The following SHISA6 variants were observed in gnomAD, a reference collection of about 807,000 sequenced individuals.
The protein encoded by SHISA6 is shisa family member 6.
SHISA6 carries 22 observed loss-of-function variants against 47.9 expected under a neutral mutation model. That is an observed-to-expected ratio of 0.46 (90% CI 0.33 to 0.66). The LOEUF (loss-of-function observed/expected upper bound fraction) is 0.66. SHISA6 is among the 30% of genes least tolerant of loss of function. The pLI, the probability that SHISA6 is intolerant of heterozygous loss-of-function variation, is 0.02. For synonymous variants in SHISA6, 388 were observed against 337.8 expected, an observed-to-expected ratio of 1.15 and a Z score of -1.63; for missense variants, 680 against 764.6, an observed-to-expected ratio of 0.89 and a Z score of 1.30.
At chr17:11,454,210 A>C (rs967270120) in intron 3 of SHISA6, among the ~76,000 whole-genome samples, 2 of 152,110 alleles carry the variant, frequency 1.3e-5, no homozygotes, top group Admixed American at 6.5e-5. Flanking sequence ...GCACATCTTC[A>C]AGGTTCTACC....
intron 3 of SHISA6, among the ~76,000 whole-genome samples, chr17:11,507,379 G>A (rs987977417): frequency 2.0e-5 from 3 of 151,964 alleles, no homozygotes; most frequent in African/African-American, 2.4e-5. Context: ...CCCACCCTCC[G>A]CCCTACCTGC....
chr17:11,362,035 T>C (rs1207190587), intron 2 of SHISA6, among the ~76,000 whole-genome samples: 1 of 152,130 alleles, frequency 6.6e-6, no homozygotes, highest in East Asian at 1.9e-4. Context: ...AGGCCCAGGA[T>C]CAGGTGTTTT....
intron 3 of SHISA6, among the ~76,000 whole-genome samples, chr17:11,409,077 T>C (rs1256427182): frequency 6.6e-6 from 1 of 152,150 alleles, no homozygotes; most frequent in East Asian, 1.9e-4. Context: ...GCATAAAAAT[T>C]TATCCTCTCA....
At chr17:11,344,044 T>C (rs1911619472) in intron 2 of SHISA6, among the ~76,000 whole-genome samples, 1 of 152,192 alleles carries the variant, frequency 6.6e-6, no homozygotes, top group Admixed American at 6.5e-5. Flanking sequence ...TGGTGTCTTA[T>C]AGTGGTTTTG....
chr17:11,324,817 T>A (rs1910822226), intron 2 of SHISA6, among the ~76,000 whole-genome samples: 1 of 152,150 alleles, frequency 6.6e-6, no homozygotes, highest in Admixed American at 6.5e-5. Flanking sequence ...GTCTTCTTAG[T>A]GCACAATTAG....
intron 3 of SHISA6, among the ~76,000 whole-genome samples, chr17:11,398,619 ACT>A (rs554518237): frequency 6.6e-6 from 1 of 150,568 alleles, no homozygotes; most frequent in Non-Finnish European, 1.5e-5. Context: ...TTTTTGACAG[ACT>A]CTCGCTCTGT....
chr17:11,374,851 A>G (rs1466775963), intron 2 of SHISA6, among the ~76,000 whole-genome samples: 3 of 151,948 alleles, frequency 2.0e-5, no homozygotes, highest in Non-Finnish European at 4.4e-5. Context: ...TATAATTCAT[A>G]TTATATGTAA....
chr17:11,343,728 G>A (rs116960384), intron 2 of SHISA6, among the ~76,000 whole-genome samples: 230 of 152,354 alleles, frequency 1.5e-3, no homozygotes, highest in Non-Finnish European at 2.3e-3. Context: ...GCTGAGAGGT[G>A]AGTTGCTCTC....
chr17:11,241,362 G>T lies in SHISA6; in HGVS notation c.-61G>T, dbSNP rs1192471868. 7.1e-5 allele frequency: 71 copies of T among 1,000,188 alleles called. No individual in the cohort carries two copies. Among genetic ancestry groups the T allele is most frequent in the Non-Finnish European group, 8.2e-5 (69 of 839,412 alleles). 62.0% of individuals were successfully genotyped at this position (1,000,188 alleles called of 1,614,324 possible). A position where few individuals can be genotyped will look rare whatever the true frequency, so the allele number is the denominator to read the frequency against. On this transcript the variant is annotated 5_prime_UTR_variant, in exon 1 of 6. Transcript: ENST00000441885. This position sits in a 1 kb window ranked among gnomAD's most constrained non-coding sequence, Gnocchi z 5.5. Reference sequence around the variant, plus strand: ...CCCGCGCGGCGGGTCCTCCGAGCCCGGCCCGCCGGGGGAGCGGCCTGCCGC... The same window carrying T: ...CCCGCGCGGCGGGTCCTCCGAGCCCTGCCCGCCGGGGGAGCGGCCTGCCGC...
Position 11,533,596 on chromosome 17 carries a change from T to TA in SHISA6, c.896-18300_896-18299insA, listed in dbSNP as rs901231749. ...AAGCTTCCCTTTCATTATTTTTTTT[T>TA]TTTTTTTTTTTTTTGAGATGGAGTC... is the stretch of plus-strand genomic sequence containing the variant. On this transcript the variant is annotated intron_variant, in intron 3 of 5. Transcript: ENST00000441885. Among the ~76,000 whole-genome samples, 64 of 136,430 alleles carry TA rather than the reference T, an allele frequency of 4.7e-4. 1 individual carries two copies. The East Asian group carries it at 0.012, about 25-fold the overall frequency. 89.5% of individuals were successfully genotyped at this position (136,430 alleles called of 152,430 possible). A position where few individuals can be genotyped will look rare whatever the true frequency, so the allele number is the denominator to read the frequency against.
At chr17:11,399,669 G>C (rs1913698438) in intron 3 of SHISA6, among the ~76,000 whole-genome samples, 1 of 152,162 alleles carries the variant, frequency 6.6e-6, no homozygotes, top group Non-Finnish European at 1.5e-5. Flanking sequence ...TGATCTGCCT[G>C]TCTCGGCCTC....
rs1448670281 is a variant in SHISA6, at chr17:11,295,738, C to T, written c.799+32212C>T. ...CAGCACTTTGGGAGGCTGAGGCAGG[C>T]AGGTCATGAGGTCAGGAGATTAAGA... On this transcript the variant is annotated intron_variant, in intron 2 of 5. Coordinates refer to ENST00000441885, the MANE Select transcript of SHISA6 (RefSeq NM_207386.4). Among the ~76,000 whole-genome samples, 5 of 152,050 alleles carry T rather than the reference C, an allele frequency of 3.3e-5. No individual in the cohort carries two copies. The East Asian group carries it at 9.7e-4, about 30-fold the overall frequency.
In SHISA6 at chr17:11,241,989, C is replaced by T. The variant is rs1366428113; in HGVS notation, c.567C>T (p.Ile189=). 1.9e-6 allele frequency: 3 copies of T among 1,551,114 alleles called. No homozygotes were observed. Among genetic ancestry groups the T allele is most frequent in the Non-Finnish European group, 1.7e-6 (2 of 1,147,002 alleles). Reference sequence around the variant, plus strand: ...CCTGCGGGGTGATCGCCTTCGTCATCGTGGCCGGCGTCTTCGCCAAGGTCT... The same window carrying T: ...CCTGCGGGGTGATCGCCTTCGTCATTGTGGCCGGCGTCTTCGCCAAGGTCT... ...YITCGVIAFV[I]VAGVFAKVSY... The change falls in exon 1 of 6, where the codon ATC becomes ATT. Residue 189 remains isoleucine, a synonymous_variant. Transcript: ENST00000441885. The surrounding 1 kb of genome is among the most constrained non-coding windows in gnomAD (Gnocchi z 5.5).
chr17:11,299,598 G>T (rs970392098), intron 2 of SHISA6, among the ~76,000 whole-genome samples: 30 of 152,294 alleles, frequency 2.0e-4, no homozygotes, highest in African/African-American at 6.7e-4. Context: ...CTCTAGGGGA[G>T]AATCGATTTC....
In SHISA6 at chr17:11,509,281, G is replaced by A. The variant is rs142889548; in HGVS notation, c.896-42615G>A. On this transcript the variant is annotated intron_variant, in intron 3 of 5. Coordinates refer to ENST00000441885, the MANE Select transcript of SHISA6 (RefSeq NM_207386.4). Reference sequence around the variant, plus strand: ...TTCGCAAGTCCATGAACAATCTTGGGGAACACAGTCTGAGGAGATCCACTC... The same window carrying A: ...TTCGCAAGTCCATGAACAATCTTGGAGAACACAGTCTGAGGAGATCCACTC... Among the ~76,000 whole-genome samples, 406 of 152,274 alleles carry A rather than the reference G, an allele frequency of 2.7e-3. 1 individual carries two copies. The highest frequency in any genetic ancestry group is 9.3e-3 in the African/African-American group (386 of 41,548).
chr17:11,449,429 C>A (rs949204750), intron 3 of SHISA6, among the ~76,000 whole-genome samples: 1 of 150,256 alleles, frequency 6.7e-6, no homozygotes, highest in African/African-American at 2.5e-5. Context: ...GGTGACAGAG[C>A]GAGACTCCAT....
intron 1 of SHISA6, among the ~76,000 whole-genome samples, chr17:11,245,296 G>C (rs1907532427): frequency 6.6e-6 from 1 of 152,180 alleles, no homozygotes; most frequent in African/African-American, 2.4e-5. Flanking sequence ...CCAACCGGAA[G>C]CCCAATTCCT....
intron 3 of SHISA6, among the ~76,000 whole-genome samples, chr17:11,525,270 C>T (rs2071666097): frequency 6.6e-6 from 1 of 152,210 alleles, no homozygotes; most frequent in South Asian, 2.1e-4. Context: ...AAGAAGAACA[C>T]AACCAGTCGT....
chr17:11,555,787 G>C lies in SHISA6; in HGVS notation c.1000G>C (p.Asp334His), dbSNP rs1490549410. ...NILTSATEPY[D>H]LSFSRSFQNL... ...CCTGACATCAGCCACCGAGCCCTAT[G>C]ACCTCTCCTTCTCCCGCTCGTTCCA... Residue 334 changes from aspartate (D) to histidine (H), a missense_variant, in exon 5 of 6, where the codon GAC becomes CAC. By Grantham distance (81) the Asp-to-His change is moderately conservative. This residue lies in a region of SHISA6 where 559 missense variants were observed against 674.1 expected (regional missense o/e 0.83). Transcript: ENST00000441885. 1 of 1,551,624 alleles carries C rather than the reference G, an allele frequency of 6.4e-7. No individual in the cohort carries two copies. Among genetic ancestry groups the C allele is most frequent in the Admixed American group, 2.0e-5 (1 of 50,832 alleles).
Sources: gnomAD v4.1 joint callset for allele counts (sites outside exome capture counted in the v4.1 genomes callset) on GRCh38, gnomAD v4.1.1 for gene constraint, gnomAD v4.1.1 regional missense constraint, Gnocchi (gnomAD v3.1) non-coding constraint, MANE v1.5 for transcripts, NCBI Gene and HGNC (gene_info 2026-07-23, HGNC 2026-07-21) for gene names.